DPPA2: variants seen among roughly 807,000 people sequenced by gnomAD.
The protein encoded by DPPA2 is developmental pluripotency associated 2, also known as developmental pluripotency-associated protein 2.
Under a neutral mutation model 36.2 loss-of-function variants are expected in DPPA2, and 26 were observed. The observed-to-expected ratio is 0.72, with a 90% CI of 0.53 to 1.00. The LOEUF (loss-of-function observed/expected upper bound fraction) is 1.00. DPPA2 is among the 50% of genes least tolerant of loss of function. The probability of loss-of-function intolerance (pLI) is 0.00; values close to 1 mark genes in which losing one functional copy is unlikely to be tolerated. For synonymous variants in DPPA2, 113 were observed against 123.2 expected, an observed-to-expected ratio of 0.92 and a Z score of 0.55; for missense variants, 361 against 365.1, an observed-to-expected ratio of 0.99 and a Z score of 0.09.
intron 2 of DPPA2, 70 bp downstream of exon 2, chr3:109,314,440 C>T: frequency 6.6e-7 from 1 of 1,514,828 alleles, no homozygotes; most frequent in South Asian, 1.2e-5. Context: ...AAAAGAGAAA[C>T]ATAAGGGAGA....
intron 2 of DPPA2, 129 bp from the exon 3 acceptor site, chr3:109,312,821 T>G: frequency 8.5e-7 from 1 of 1,176,614 alleles, no homozygotes; most frequent in Non-Finnish European, 1.2e-6. Flanking sequence ...TTACTGGGAT[T>G]CCTAGAATGT....
chr3:109,305,500 C>T (rs377067778), intron 6 of DPPA2, among the ~76,000 whole-genome samples: 8 of 151,720 alleles, frequency 5.3e-5, no homozygotes, highest in Non-Finnish European at 7.4e-5. Flanking sequence ...ACAGGCTGGG[C>T]GTGGTGGCTT....
At chr3:109,294,878 G>T (rs112050590) in intron 8 of DPPA2, among the ~76,000 whole-genome samples, 2 of 152,086 alleles carry the variant, frequency 1.3e-5, no homozygotes, top group African/African-American at 4.8e-5. Context: ...AAAATTAGTC[G>T]GGCATGGTGG....
At chr3:109,310,297 A>AGC (rs1707679049) in intron 3 of DPPA2, among the ~76,000 whole-genome samples, 1 of 147,398 alleles carries the variant, frequency 6.8e-6, no homozygotes, top group Non-Finnish European at 1.5e-5. Context: ...AGCTCCAGCT[A>AGC]CTCAGGAGGC....
At chr3:109,305,921 A>G (rs1266638986) in intron 6 of DPPA2, among the ~76,000 whole-genome samples, 4 of 152,120 alleles carry the variant, frequency 2.6e-5, no homozygotes, top group African/African-American at 9.7e-5. Flanking sequence ...CCTAACCACT[A>G]CATTGTACTG....
At chr3:109,304,375 A>G in intron 7 of DPPA2, 100 bp downstream of exon 7, 3 of 1,245,298 alleles carry the variant, frequency 2.4e-6, no homozygotes, top group Non-Finnish European at 3.3e-6. Context: ...TTAAGAAGAC[A>G]GCATGTTCGC....
At chr3:109,307,603 CAAAAAAAAA>C (rs769445059) in intron 6 of DPPA2, among the ~76,000 whole-genome samples, 1 of 43,826 alleles carries the variant, frequency 2.3e-5, no homozygotes, top group Non-Finnish European at 5.0e-5. Context: ...AACTCCATCT[CAAAAAAAAA>C]AAAAAAAAAA....
chr3:109,295,681 C>A, intron 8 of DPPA2, among the ~76,000 whole-genome samples: 1 of 151,242 alleles, frequency 6.6e-6, no homozygotes, highest in East Asian at 1.9e-4. Context: ...CAGAAAGAGA[C>A]AAAAAGCATG....
At chr3:109,302,860 G>A (rs11928196) in intron 7 of DPPA2, among the ~76,000 whole-genome samples, 3,696 of 151,878 alleles carry the variant, frequency 0.024, 156 homozygotes, top group African/African-American at 0.085. Context: ...GATGGACATC[G>A]GGAATTCTAT....
chr3:109,298,127 C>T (rs1002342053), intron 8 of DPPA2, among the ~76,000 whole-genome samples: 1 of 152,008 alleles, frequency 6.6e-6, no homozygotes, highest in Non-Finnish European at 1.5e-5. Context: ...AGTGTATGGG[C>T]TTGCGGGGAG....
At chr3:109,306,396 C>T (rs527363324) in intron 6 of DPPA2, among the ~76,000 whole-genome samples, 10 of 152,234 alleles carry the variant, frequency 6.6e-5, no homozygotes, top group East Asian at 1.9e-4. Flanking sequence ...CCCACATAAA[C>T]GAATGTAGCT....
At chr3:109,298,559 A>G (rs1324172965) in intron 8 of DPPA2, among the ~76,000 whole-genome samples, 1 of 151,874 alleles carries the variant, frequency 6.6e-6, no homozygotes, top group East Asian at 1.9e-4. Context: ...CTAAAAAAAT[A>G]CAAAAAATTA....
At position 109,297,033 on chromosome 3, in the gene DPPA2, G is replaced by A. The variant is rs374493407; in HGVS notation, c.*23-3029C>T. Among the ~76,000 whole-genome samples, 52 of 152,226 alleles carry A rather than the reference G, an allele frequency of 3.4e-4. 1 individual carries two copies. Among genetic ancestry groups the A allele is most frequent in the Middle Eastern group, 6.8e-3 (2 of 294 alleles). On this transcript the variant is annotated intron_variant, in intron 8 of 8. Transcript: ENST00000478945. The stretch of plus-strand genomic sequence containing the variant: ...GCCCAGAAGGTCAAGGCTGCAGTGC[G>A]CCATGATCACACCACTGCACTCCAG...
At chr3:109,303,873 A>G (rs1707501520) in intron 7 of DPPA2, among the ~76,000 whole-genome samples, 3 of 151,974 alleles carry the variant, frequency 2.0e-5, no homozygotes, top group South Asian at 4.2e-4. Flanking sequence ...ACGGTGGCTC[A>G]TGCCCTTAAT....
In DPPA2 at chr3:109,302,645, G is replaced by A. The variant is rs867023413; in HGVS notation, c.854+1830C>T. ...ATTTTTGTGTTTTTAGTAGAGACGG[G>A]GTTTCATCATATTGGTCAGGCTGGT... is the stretch of plus-strand genomic sequence containing the variant. On this transcript the variant is annotated intron_variant, in intron 7 of 8. Transcript: ENST00000478945. Among the ~76,000 whole-genome samples the A allele has an allele frequency of 3.3e-5, 5 of 151,564 alleles. No homozygotes were observed. The East Asian group carries it at 5.8e-4, about 18-fold the overall frequency.
At chr3:109,305,345 C>T (rs774254790) in intron 6 of DPPA2, among the ~76,000 whole-genome samples, 3 of 152,124 alleles carry the variant, frequency 2.0e-5, no homozygotes, top group Non-Finnish European at 4.4e-5. Flanking sequence ...ATAAACGAAG[C>T]TTATGGTGTT....
At chr3:109,313,820 G>C (rs1318137176) in intron 2 of DPPA2, among the ~76,000 whole-genome samples, 1 of 152,126 alleles carries the variant, frequency 6.6e-6, no homozygotes, top group Non-Finnish European at 1.5e-5. Flanking sequence ...ACATTATTTA[G>C]GGAATACTAC....
At chr3:109,302,809 C>G (rs920723490) in intron 7 of DPPA2, among the ~76,000 whole-genome samples, 8 of 150,728 alleles carry the variant, frequency 5.3e-5, no homozygotes, top group African/African-American at 2.0e-4. Context: ...CATCTCACTT[C>G]CACCCAATTT....
In DPPA2 at chr3:109,308,115, A is replaced by G; in HGVS notation, c.575T>C (p.Ile192Thr). ...PGAMLASWAR[I>T]AARAVQPKAL... ...CTTAGGCTGAACAGCTCTTGCAGCA[A>G]TTCTTGCCCATGATGCCAACATGGC... Residue 192 changes from isoleucine (I) to threonine (T), a missense_variant, in exon 6 of 9, where the codon ATT (isoleucine) becomes ACT (threonine). By Grantham distance (89) the Ile-to-Thr change is moderately conservative (BLOSUM62 -1). Coordinates refer to ENST00000478945, the MANE Select transcript of DPPA2 (RefSeq NM_138815.4). 1 of 1,614,218 alleles carries G rather than the reference A, an allele frequency of 6.2e-7. No individual in the cohort carries two copies. Among genetic ancestry groups the G allele is most frequent in the Non-Finnish European group, 8.5e-7 (1 of 1,180,028 alleles).
Sources: gnomAD v4.1 joint callset for allele counts (sites outside exome capture counted in the v4.1 genomes callset) on GRCh38, gnomAD v4.1.1 for gene constraint, MANE v1.5 for transcripts, NCBI Gene and HGNC (gene_info 2026-07-23, HGNC 2026-07-21) for gene names.